CACNA1E: variants seen among roughly 807,000 people sequenced by gnomAD.
CACNA1E encodes calcium voltage-gated channel subunit alpha1 E, also known as voltage-dependent R-type calcium channel subunit alpha-1E.
A neutral mutation model predicts 259.2 loss-of-function variants in CACNA1E; 40 were observed. The ratio of observed to expected loss-of-function variants is 0.15; its 90% CI spans 0.12 to 0.20. The LOEUF (loss-of-function observed/expected upper bound fraction) is 0.20. Ranked by LOEUF, CACNA1E falls within the 10% of genes least tolerant of loss-of-function variation. The pLI, the probability that CACNA1E is intolerant of heterozygous loss-of-function variation, is 1.00. For synonymous variants in CACNA1E, 1,104 were observed against 1,138.5 expected (o/e 0.97, Z 0.61); for missense variants, 1,874 against 3,040.1 (o/e 0.62, Z 9.02).
Position 181,795,021 on chromosome 1 carries a change from C to A in CACNA1E, c.6185C>A (p.Ala2062Asp), listed in dbSNP as rs891480107. 1.9e-6 allele frequency: 3 copies of A among 1,613,838 alleles called. No homozygotes were observed. Among genetic ancestry groups the A allele is most frequent in the Non-Finnish European group, 1.7e-6 (2 of 1,179,800 alleles). Residue 2062 changes from alanine (A) to aspartate (D), a missense_variant, in exon 46 of 48, where the codon GCC becomes GAC. Around this residue, in one of 14 missense-constraint regions of CACNA1E, gnomAD observed 542 missense variants for 587.2 expected, o/e 0.92. Coordinates refer to ENST00000367573, the MANE Select transcript of CACNA1E (RefSeq NM_001205293.3). ...RSYHSSLRLS[A>D]HRLNSDSGHK... ...TACCACTCCTCCTTGCGGCTGTCAGCCCACCGCCTGAACTCTGATTCAGGT... is the reference window on the plus strand; with the variant it reads ...TACCACTCCTCCTTGCGGCTGTCAGACCACCGCCTGAACTCTGATTCAGGT...
chr1:181,486,089 C>T (rs1181584923), intron 1 of CACNA1E, among the ~76,000 whole-genome samples: 1 of 152,256 alleles, frequency 6.6e-6, no homozygotes, highest in Non-Finnish European at 1.5e-5. Flanking sequence ...GCAAAGACAC[C>T]GCCTTTCCAC....
At chr1:181,635,137 C>G (rs1236367141) in intron 6 of CACNA1E, among the ~76,000 whole-genome samples, 2 of 152,332 alleles carry the variant, frequency 1.3e-5, no homozygotes, top group Non-Finnish European at 2.9e-5. Context: ...TTCCAGGAGC[C>G]CTACTGGGGC....
intron 1 of CACNA1E, among the ~76,000 whole-genome samples, chr1:181,332,826 C>T (rs1210790666): frequency 6.6e-6 from 1 of 152,116 alleles, no homozygotes; most frequent in East Asian, 1.9e-4. Context: ...ATGCACACTC[C>T]AAATGCTGAT....
intron 32 of CACNA1E, among the ~76,000 whole-genome samples, chr1:181,762,175 C>T (rs901367084): frequency 4.6e-5 from 7 of 152,198 alleles, no homozygotes; most frequent in Non-Finnish European, 1.0e-4. Flanking sequence ...CAGGTACAAA[C>T]GTTTCCCCAA....
chr1:181,351,986 A>G (rs1315710064), intron 1 of CACNA1E, among the ~76,000 whole-genome samples: 2 of 152,212 alleles, frequency 1.3e-5, no homozygotes, highest in Non-Finnish European at 2.9e-5. Context: ...GAGTGGGGAC[A>G]GTGAGGGCAT....
At chr1:181,372,550 T>C (rs1167951370) in intron 1 of CACNA1E, among the ~76,000 whole-genome samples, 1 of 152,114 alleles carries the variant, frequency 6.6e-6, no homozygotes, top group Non-Finnish European at 1.5e-5. Flanking sequence ...CAAAGAGAGA[T>C]AGTTTGACTT....
At chr1:181,716,995 C>T in intron 10 of CACNA1E, 98 bp from the exon 11 acceptor site, 2 of 942,762 alleles carry the variant, frequency 2.1e-6, no homozygotes, top group Non-Finnish European at 3.4e-6. Flanking sequence ...AGTCACCTTG[C>T]CCTGGGACTA....
intron 3 of CACNA1E, among the ~76,000 whole-genome samples, chr1:181,575,086 C>T (rs1650833957): frequency 6.6e-6 from 1 of 151,870 alleles, no homozygotes; most frequent in Admixed American, 6.6e-5. Flanking sequence ...GGGGAGCCGG[C>T]TGTCATTCCT....
At chr1:181,464,492 TATC>T (rs994871003) in intron 2 of CACNA1E, among the ~76,000 whole-genome samples, 59 of 152,028 alleles carry the variant, frequency 3.9e-4, no homozygotes, top group African/African-American at 1.4e-3. Flanking sequence ...GGTGTCTTCT[TATC>T]ATTACTTTTT....
intron 6 of CACNA1E, among the ~76,000 whole-genome samples, chr1:181,597,505 G>A (rs771314668): frequency 2.0e-5 from 3 of 152,198 alleles, no homozygotes; most frequent in Non-Finnish European, 2.9e-5. Context: ...TGAAAGACAG[G>A]AAACGTGGAT....
intron 7 of CACNA1E, among the ~76,000 whole-genome samples, chr1:181,654,818 A>G (rs371276336): frequency 1.3e-5 from 2 of 152,016 alleles, no homozygotes. Flanking sequence ...CCCTGTCTCT[A>G]CTAAAAATAC....
At chr1:181,621,964 A>G (rs1298168843) in intron 6 of CACNA1E, among the ~76,000 whole-genome samples, 2 of 152,164 alleles carry the variant, frequency 1.3e-5, no homozygotes, top group Non-Finnish European at 2.9e-5. Context: ...CAAGGGGCAT[A>G]CAAGACCCTG....
chr1:181,358,750 G>C (rs1037202821), intron 1 of CACNA1E, among the ~76,000 whole-genome samples: 1 of 152,122 alleles, frequency 6.6e-6, no homozygotes. Context: ...TGTAAAGCAG[G>C]CTTCTATAAA....
At chr1:181,613,272 T>A (rs1019585515) in intron 6 of CACNA1E, among the ~76,000 whole-genome samples, 2 of 152,162 alleles carry the variant, frequency 1.3e-5, no homozygotes, top group African/African-American at 4.8e-5. Context: ...GGGCTAGGAG[T>A]GCTGACCACC....
At chr1:181,459,161 C>T (rs568998563) in intron 2 of CACNA1E, among the ~76,000 whole-genome samples, 9 of 152,324 alleles carry the variant, frequency 5.9e-5, no homozygotes, top group South Asian at 2.1e-4. Context: ...AGGAAGCAAC[C>T]ACTATGGGAG....
chr1:181,630,386 C>T (rs1656605166), intron 6 of CACNA1E, among the ~76,000 whole-genome samples: 1 of 148,676 alleles, frequency 6.7e-6, no homozygotes, highest in South Asian at 2.2e-4. Flanking sequence ...ATTAACATGC[C>T]CCCCCACCCC....
intron 7 of CACNA1E, among the ~76,000 whole-genome samples, chr1:181,692,294 A>G (rs1651245258): frequency 6.6e-6 from 1 of 152,236 alleles, no homozygotes; most frequent in Admixed American, 6.5e-5. Flanking sequence ...CAGAATTAGA[A>G]AAAACTATTC....
At chr1:181,386,738 A>C (rs1319680290) in intron 1 of CACNA1E, among the ~76,000 whole-genome samples, 1 of 152,194 alleles carries the variant, frequency 6.6e-6, no homozygotes, top group Non-Finnish European at 1.5e-5. Flanking sequence ...TTGTCTGCTC[A>C]TCATATCCAG....
chr1:181,645,720 C>T (rs1270691294), intron 6 of CACNA1E, among the ~76,000 whole-genome samples: 1 of 152,252 alleles, frequency 6.6e-6, no homozygotes, highest in Non-Finnish European at 1.5e-5. Context: ...TCACTTGCTT[C>T]ATGGGTGTTT....
Sources: gnomAD v4.1 joint callset for allele counts (sites outside exome capture counted in the v4.1 genomes callset) on GRCh38, gnomAD v4.1.1 for gene constraint, gnomAD v4.1.1 regional missense constraint, MANE v1.5 for transcripts, NCBI Gene and HGNC (gene_info 2026-07-23, HGNC 2026-07-21) for gene names.